The following XKR9 variants were observed in gnomAD, a reference collection of about 807,000 sequenced individuals.
XKR9 encodes the protein XK-related protein 9.
In XKR9, 32 loss-of-function variants were observed where a neutral mutation model predicts 32.0. The observed-to-expected ratio is 1.00, with a 90% CI of 0.76 to 1.34. The LOEUF (loss-of-function observed/expected upper bound fraction) is 1.34. Ranked by LOEUF, XKR9 falls within the 40% of genes most tolerant of loss-of-function variation. The probability of loss-of-function intolerance (pLI) is 0.00; values close to 1 mark genes in which losing one functional copy is unlikely to be tolerated. For missense variants in XKR9, 546 were observed against 429.7 expected, an observed-to-expected ratio of 1.27 and a Z score of -2.39; for synonymous variants, 168 against 143.4, an observed-to-expected ratio of 1.17 and a Z score of -1.22.
At chr8:71,046,832 T>C in the XKR9 span, among the ~76,000 whole-genome samples, 3 of 152,218 alleles carry the variant, frequency 2.0e-5, no homozygotes, top group African/African-American at 2.4e-5. Context: ...TGTAACTACA[T>C]TGTAAATCTG....
chr8:70,714,447 C>T (rs951315640), intron 4 of XKR9, among the ~76,000 whole-genome samples: 1 of 150,242 alleles, frequency 6.7e-6, no homozygotes, highest in Non-Finnish European at 1.5e-5. Flanking sequence ...GCTTTGTACT[C>T]TCTGATTGGC....
At chr8:70,819,974 GC>G in the XKR9 span, among the ~76,000 whole-genome samples, 1 of 152,230 alleles carries the variant, frequency 6.6e-6, no homozygotes, top group East Asian at 1.9e-4. Context: ...TTCTAACAAG[GC>G]CCCTTTGGAA....
chr8:70,867,603 C>A, the XKR9 span, among the ~76,000 whole-genome samples: 2 of 152,148 alleles, frequency 1.3e-5, no homozygotes, highest in African/African-American at 4.8e-5. Context: ...AGGCTTGCAC[C>A]ACCACACCTG....
the XKR9 span, among the ~76,000 whole-genome samples, chr8:70,988,641 A>G: frequency 6.6e-6 from 1 of 152,114 alleles, no homozygotes; most frequent in African/African-American, 2.4e-5. Context: ...TCTTCATCCA[A>G]TTTCTGTGAC....
chr8:70,685,490 TATAATA>T (rs56223664), intron 3 of XKR9, among the ~76,000 whole-genome samples: 7 of 141,636 alleles, frequency 4.9e-5, no homozygotes, highest in South Asian at 4.6e-4. Context: ...AAACTTAAAG[TATAATA>T]ATAATAATAA....
At chr8:70,694,658 C>T (rs536591515) in intron 3 of XKR9, among the ~76,000 whole-genome samples, 1 of 152,348 alleles carries the variant, frequency 6.6e-6, no homozygotes, top group African/African-American at 2.4e-5. Flanking sequence ...GCCCGCCCCT[C>T]CTCCCAGGAG....
rs1212620347 is a variant in XKR9, at chr8:70,742,767, A to T, written n.352+35614A>T. On this transcript the variant is annotated intron_variant and non_coding_transcript_variant, in intron 2 of 3. Transcript: ENST00000520273. ...CATTGTTTCTGATAAAAAGTTAGTG[A>T]TCATTTACATCATTATTCCCCTGTG... Among the ~76,000 whole-genome samples, 3 of 151,866 alleles carry T rather than the reference A, an allele frequency of 2.0e-5. No individual in the cohort carries two copies. The East Asian group carries it at 5.8e-4, about 29-fold the overall frequency.
the XKR9 span, among the ~76,000 whole-genome samples, chr8:70,845,116 C>T: frequency 3.3e-5 from 5 of 152,230 alleles, no homozygotes; most frequent in African/African-American, 9.6e-5. Context: ...AATAAAACCT[C>T]ACCACAGCCT....
rs1806828524 is a variant in XKR9 at position 70,735,288 on chromosome 8, T to A, written c.*864T>A. 1 of 151,860 alleles carries A rather than the reference T, an allele frequency of 6.6e-6. No individual in the cohort carries two copies. Among genetic ancestry groups the A allele is most frequent in the Non-Finnish European group, 1.5e-5 (1 of 67,950 alleles). The allele number at this position is 151,860 out of a possible 1,614,324, so 9.4% of individuals were successfully genotyped here. On this transcript the variant is annotated 3_prime_UTR_variant, in exon 5 of 5. Transcript: ENST00000408926. ...TCCCCAAGTCTCTCTCAACTGAAAT[T>A]ATAATTTTTTGTTTCTATGAGTTTG...
chr8:70,767,325 T>G (rs1279974305), intron 2 of XKR9, among the ~76,000 whole-genome samples: 4 of 152,260 alleles, frequency 2.6e-5, no homozygotes, highest in Non-Finnish European at 4.4e-5. Flanking sequence ...GGCTTAGTCT[T>G]GGGAGGGTGT....
At chr8:70,885,491 C>T in the XKR9 span, among the ~76,000 whole-genome samples, 1 of 152,030 alleles carries the variant, frequency 6.6e-6, no homozygotes, top group African/African-American at 2.4e-5. Context: ...TGGAGGTTTG[C>T]CGCACCTATC....
the XKR9 span, among the ~76,000 whole-genome samples, chr8:71,037,149 A>T: frequency 6.6e-6 from 1 of 152,160 alleles, no homozygotes; most frequent in Non-Finnish European, 1.5e-5. Context: ...TGAATTCCAG[A>T]AGGTGGCTTT....
chr8:70,981,220 C>T, the XKR9 span, among the ~76,000 whole-genome samples: 1 of 152,156 alleles, frequency 6.6e-6, no homozygotes, highest in Admixed American at 6.5e-5. Flanking sequence ...CTTGATTATT[C>T]CCTGAAATAT....
chr8:71,010,910 G>A, the XKR9 span, among the ~76,000 whole-genome samples: 7 of 152,144 alleles, frequency 4.6e-5, no homozygotes, highest in Non-Finnish European at 8.8e-5. Flanking sequence ...ATCCTAGGGC[G>A]ATTCCAGGGG....
the XKR9 span, among the ~76,000 whole-genome samples, chr8:70,810,602 A>G: frequency 3.3e-5 from 5 of 152,168 alleles, no homozygotes; most frequent in Admixed American, 6.5e-5. Context: ...AAGATCTACA[A>G]AGCAAATGGA....
the XKR9 span, among the ~76,000 whole-genome samples, chr8:70,931,472 T>A: frequency 1.3e-5 from 2 of 152,204 alleles, no homozygotes; most frequent in African/African-American, 4.8e-5. Flanking sequence ...ATAAAGTGAG[T>A]AGCTAGTAAC....
At chr8:70,791,031 A>G (rs926357849), downstream of XKR9, among the ~76,000 whole-genome samples, 1 of 152,062 alleles carries the variant, frequency 6.6e-6, no homozygotes, top group Non-Finnish European at 1.5e-5. Context: ...CAAAGATCCT[A>G]CTTCCTAACA....
At chr8:70,929,747 T>C in the XKR9 span, among the ~76,000 whole-genome samples, 4 of 152,328 alleles carry the variant, frequency 2.6e-5, no homozygotes, top group South Asian at 4.1e-4. Flanking sequence ...TCTGATACTT[T>C]AGATCTCGAT....
At chr8:70,980,197 C>T in the XKR9 span, among the ~76,000 whole-genome samples, 1 of 152,220 alleles carries the variant, frequency 6.6e-6, no homozygotes, top group Non-Finnish European at 1.5e-5. Flanking sequence ...AAGGGAAATC[C>T]CCTGACCCCT....
Sources: allele counts gnomAD v4.1 joint callset (sites outside exome capture counted in the v4.1 genomes callset), GRCh38; gene constraint gnomAD v4.1.1; transcripts MANE v1.5; gene names NCBI Gene and HGNC (gene_info 2026-07-23, HGNC 2026-07-21).